DTD1: variants seen among roughly 807,000 people sequenced by gnomAD.
DTD1 encodes the protein D-aminoacyl-tRNA deacylase 1, also known as D-tyrosyl-tRNA deacylase 1 homolog.
In DTD1, 13 loss-of-function variants were observed where a neutral mutation model predicts 25.6. That is an observed-to-expected ratio of 0.51 (90% CI 0.33 to 0.81). The LOEUF (loss-of-function observed/expected upper bound fraction) is 0.81, where lower values mean the gene tolerates loss of function less well. Ranked by LOEUF, DTD1 falls within the 30% of genes least tolerant of loss-of-function variation. The pLI, the probability that DTD1 is intolerant of heterozygous loss-of-function variation, is 0.02. For synonymous variants in DTD1, 110 were observed against 103.6 expected, an observed-to-expected ratio of 1.06 and a Z score of -0.37; for missense variants, 193 against 266.4, an observed-to-expected ratio of 0.72 and a Z score of 1.92.
At chr20:18,619,888 TACTA>T (rs758441093) in intron 3 of DTD1, among the ~76,000 whole-genome samples, 4 of 152,234 alleles carry the variant, frequency 2.6e-5, no homozygotes, top group Non-Finnish European at 5.9e-5. Context: ...CCTTTAGCTT[TACTA>T]ACTGAGTTTC....
chr20:18,754,412 G>A (rs531934643), intron 5 of DTD1, among the ~76,000 whole-genome samples: 75 of 152,300 alleles, frequency 4.9e-4, no homozygotes, highest in African/African-American at 1.7e-3. Context: ...CTGCCTGTCA[G>A]GTGTCCCCAG....
intron 4 of DTD1, among the ~76,000 whole-genome samples, chr20:18,701,342 G>T (rs1472436756): frequency 6.6e-6 from 1 of 152,206 alleles, no homozygotes; most frequent in African/African-American, 2.4e-5. Flanking sequence ...CCAATAAGGG[G>T]GGCATATAGC....
At chr20:18,679,458 A>C (rs533274672) in intron 4 of DTD1, among the ~76,000 whole-genome samples, 3 of 152,328 alleles carry the variant, frequency 2.0e-5, no homozygotes, top group African/African-American at 7.2e-5. Context: ...CTTGAGATAC[A>C]TTTTTTGGAG....
intron 4 of DTD1, among the ~76,000 whole-genome samples, chr20:18,678,067 G>A (rs891339060): frequency 6.6e-6 from 1 of 152,162 alleles, no homozygotes; most frequent in African/African-American, 2.4e-5. Flanking sequence ...CAATTTAGTT[G>A]GAACATAAAA....
At chr20:18,604,904 T>C (rs1442465450) in intron 3 of DTD1, among the ~76,000 whole-genome samples, 7 of 14,794 alleles carry the variant, frequency 4.7e-4, no homozygotes, top group East Asian at 1.2e-3. Flanking sequence ...CTATTCAACA[T>C]AGTGTTGGAA....
intron 4 of DTD1, among the ~76,000 whole-genome samples, chr20:18,694,761 G>A (rs1170780365): frequency 3.9e-5 from 6 of 152,066 alleles, no homozygotes. Flanking sequence ...GTCACAAATT[G>A]CATTTATTTG....
At position 18,601,485 on chromosome 20, in the gene DTD1, C is replaced by T. The variant is rs528702799; in HGVS notation, c.370+5244C>T. ...CTGTACTCCAGCTTGGATGACAGAG[C>T]GGGACTCTGTCTCAAAAAAAAAAAA... On this transcript the variant is annotated intron_variant, in intron 3 of 5. Coordinates refer to ENST00000377452, the MANE Select transcript of DTD1 (RefSeq NM_080820.6). Among the ~76,000 whole-genome samples the T allele has an allele frequency of 5.6e-5, 7 of 124,234 alleles. No homozygotes were observed. The East Asian group carries it at 9.4e-4, about 17-fold the overall frequency. The allele number at this position is 124,234 out of a possible 152,430, so 81.5% of individuals were successfully genotyped here.
At chr20:18,650,620 C>T (rs556381072) in intron 4 of DTD1, among the ~76,000 whole-genome samples, 9 of 152,302 alleles carry the variant, frequency 5.9e-5, no homozygotes, top group African/African-American at 1.7e-4. Context: ...TTACTTTTTA[C>T]ATTTATTGTC....
rs576136454 is a variant in DTD1 at position 18,710,519 on chromosome 20, A to G, written c.478-33581A>G. Among the ~76,000 whole-genome samples the G allele has an allele frequency of 2.0e-5, 3 of 152,348 alleles. No individual in the cohort carries two copies. The East Asian group carries it at 5.8e-4, about 29-fold the overall frequency. ...TCTTTAATCAGTCAGTTTATTATTC[A>G]TAAGTCTGGTGTTTCTAATAAAATT... On this transcript the variant is annotated intron_variant, in intron 4 of 5. Transcript: ENST00000377452.
intron 3 of DTD1, 40 bp from the exon 4 acceptor site, chr20:18,628,087 G>T (rs767120102): frequency 5.9e-6 from 9 of 1,534,172 alleles, no homozygotes; most frequent in Non-Finnish European, 8.1e-6. Context: ...GAGTAATCTG[G>T]TGTCTCCATC....
intron 4 of DTD1, among the ~76,000 whole-genome samples, chr20:18,708,183 TTTATATATATA>T (rs2061134708): frequency 1.2e-5 from 1 of 81,146 alleles, no homozygotes; most frequent in African/African-American, 5.4e-5. Context: ...ATATATATAT[TTTATATATATA>T]TTATATATAT....
At chr20:18,663,611 C>G (rs1484891117) in intron 4 of DTD1, among the ~76,000 whole-genome samples, 1 of 152,134 alleles carries the variant, frequency 6.6e-6, no homozygotes, top group Non-Finnish European at 1.5e-5. Flanking sequence ...CATTGTGTTA[C>G]AGTTGCCTAC....
At chr20:18,653,873 A>T (rs540935015) in intron 4 of DTD1, among the ~76,000 whole-genome samples, 1 of 152,236 alleles carries the variant, frequency 6.6e-6, no homozygotes, top group Non-Finnish European at 1.5e-5. Context: ...TTTCAAATCC[A>T]TGCACATGAC....
chr20:18,761,111 C>T (rs1053733697), intron 5 of DTD1, among the ~76,000 whole-genome samples: 2 of 152,128 alleles, frequency 1.3e-5, no homozygotes, highest in Admixed American at 6.5e-5. Context: ...GGGAGTGACC[C>T]GATTTTCCAG....
chr20:18,712,610 A>G (rs2061163820), intron 4 of DTD1, among the ~76,000 whole-genome samples: 1 of 152,184 alleles, frequency 6.6e-6, no homozygotes, highest in Admixed American at 6.5e-5. Context: ...CATGCCATAA[A>G]TTAAGGTAAT....
At chr20:18,685,721 A>G (rs192551218) in intron 4 of DTD1, among the ~76,000 whole-genome samples, 1 of 152,316 alleles carries the variant, frequency 6.6e-6, no homozygotes, top group East Asian at 1.9e-4. Context: ...CTCTTTTCTC[A>G]AAGCTAAATA....
intron 3 of DTD1, among the ~76,000 whole-genome samples, chr20:18,614,667 A>G (rs998549598): frequency 2.0e-5 from 3 of 152,052 alleles, no homozygotes; most frequent in Admixed American, 6.6e-5. Flanking sequence ...GCCGGGAGAG[A>G]GATTTAAGCT....
At chr20:18,676,635 C>T (rs938462279) in intron 4 of DTD1, among the ~76,000 whole-genome samples, 13 of 152,180 alleles carry the variant, frequency 8.5e-5, no homozygotes, top group Non-Finnish European at 1.5e-4. Flanking sequence ...TTCTGCTGAG[C>T]AGCAAAACAG....
At chr20:18,609,332 A>G (rs533216279) in intron 3 of DTD1, among the ~76,000 whole-genome samples, 18 of 150,426 alleles carry the variant, frequency 1.2e-4, no homozygotes, top group Middle Eastern at 6.8e-3. Flanking sequence ...TTTTTTTTTT[A>G]GTAGAAATGG....
Sources: gnomAD v4.1 joint callset for allele counts (sites outside exome capture counted in the v4.1 genomes callset) on GRCh38, gnomAD v4.1.1 for gene constraint, MANE v1.5 for transcripts, NCBI Gene and HGNC (gene_info 2026-07-23, HGNC 2026-07-21) for gene names.